The following TSPAN14 variants were observed in gnomAD, a reference collection of about 807,000 sequenced individuals.
The protein encoded by TSPAN14 is tetraspanin 14.
TSPAN14 carries 16 observed loss-of-function variants against 36.6 expected under a neutral mutation model. The observed-to-expected ratio is 0.44, with a 90% CI of 0.30 to 0.66. TSPAN14 has a LOEUF of 0.66. Among genes scored for constraint, TSPAN14 ranks in the 30% least tolerant of loss-of-function variants. TSPAN14 has a pLI of 0.12. For synonymous variants in TSPAN14, 139 were observed against 143.8 expected, an observed-to-expected ratio of 0.97 and a Z score of 0.24; for missense variants, 231 against 355.1, an observed-to-expected ratio of 0.65 and a Z score of 2.81.
chr10:80,495,897 C>T (rs1056958485), intron 2 of TSPAN14, among the ~76,000 whole-genome samples: 1 of 152,174 alleles, frequency 6.6e-6, no homozygotes, highest in Admixed American at 6.5e-5. Context: ...ACCCCAGAAA[C>T]TTTCCTTGTG....
At position 80,509,574 on chromosome 10, in the gene TSPAN14, C is replaced by G; in HGVS notation, c.450+103C>G. 7.7e-7 allele frequency: 1 copy of G among 1,297,380 alleles called. No homozygotes were observed. Among genetic ancestry groups the G allele is most frequent in the Non-Finnish European group, 1.1e-6 (1 of 940,634 alleles). The allele number at this position is 1,297,380 out of a possible 1,614,324, so 80.4% of individuals were successfully genotyped here. On this transcript the variant is annotated intron_variant, in intron 5 of 8. Transcript: ENST00000429989. This position sits in a 1 kb window ranked among gnomAD's most constrained non-coding sequence, Gnocchi z 4.7. ...CAGGCCTTCTCTGTGGGTTGTCTGC[C>G]TGCAGCTTGGCAGACAGCAGGGAGG...
intron 3 of TSPAN14, 113 bp from the exon 4 acceptor site, chr10:80,507,115 G>T: frequency 7.2e-7 from 1 of 1,393,230 alleles, no homozygotes; most frequent in Non-Finnish European, 9.9e-7. Flanking sequence ...TCAACAAGAG[G>T]GCTGAGCCTG....
intron 2 of TSPAN14, among the ~76,000 whole-genome samples, chr10:80,497,966 G>C (rs1377887168): frequency 1.3e-5 from 2 of 152,144 alleles, no homozygotes; most frequent in Non-Finnish European, 2.9e-5. Flanking sequence ...GTTTCCCTCT[G>C]TCATAAGGAA....
exon 9 of TSPAN14, chr10:80,520,583 C>T (rs1415727468): frequency 1.9e-6 from 1 of 531,194 alleles, no homozygotes; most frequent in Admixed American, 1.9e-5. Context: ...ACCCCCTCCT[C>T]AACCCTGGTC....
chr10:80,481,325 T>C (rs1847262483), intron 1 of TSPAN14, among the ~76,000 whole-genome samples: 1 of 152,044 alleles, frequency 6.6e-6, no homozygotes, highest in Admixed American at 6.6e-5. Context: ...AAATAAAACA[T>C]CAGATGTGAA....
At chr10:80,484,612 G>T (rs970956057) in intron 1 of TSPAN14, among the ~76,000 whole-genome samples, 3 of 152,132 alleles carry the variant, frequency 2.0e-5, no homozygotes, top group Admixed American at 1.3e-4. Flanking sequence ...GTTCATTTGT[G>T]TACAACGGGG....
intron 1 of TSPAN14, among the ~76,000 whole-genome samples, chr10:80,467,534 G>T (rs79702607): frequency 1.8e-3 from 276 of 152,256 alleles, no homozygotes; most frequent in African/African-American, 6.4e-3. Context: ...CATTTTAGCT[G>T]TAACCCTTGG....
At chr10:80,461,841 C>A (rs543472888) in intron 1 of TSPAN14, among the ~76,000 whole-genome samples, 4 of 151,836 alleles carry the variant, frequency 2.6e-5, no homozygotes, top group African/African-American at 9.7e-5. Context: ...ACTGAGCCAC[C>A]GAGAGGAGCA....
At chr10:80,479,709 T>C (rs1847140042) in intron 1 of TSPAN14, among the ~76,000 whole-genome samples, 1 of 152,014 alleles carries the variant, frequency 6.6e-6, no homozygotes, top group Non-Finnish European at 1.5e-5. Flanking sequence ...TGTAGTATAG[T>C]TTGAAGTCAG....
At chr10:80,521,603 A>G (rs1246388389) in exon 9 of TSPAN14, 1 of 152,114 alleles carries the variant, frequency 6.6e-6, no homozygotes, top group Non-Finnish European at 1.5e-5. Flanking sequence ...CCCTGTTCTC[A>G]TTCATTTGGA....
chr10:80,499,539 C>T (rs1444316524), intron 2 of TSPAN14, among the ~76,000 whole-genome samples: 4 of 151,960 alleles, frequency 2.6e-5, no homozygotes, highest in African/African-American at 4.8e-5. Context: ...TGTGAGTGCC[C>T]GTGTGTGGAA....
At chr10:80,489,455 A>G (rs1190323621) in intron 2 of TSPAN14, 141 bp downstream of exon 2, 20 of 674,936 alleles carry the variant, frequency 3.0e-5, no homozygotes, top group East Asian at 8.6e-5. Flanking sequence ...CCCTACCCTC[A>G]CAGAACCAGT....
intron 2 of TSPAN14, among the ~76,000 whole-genome samples, chr10:80,501,872 C>G (rs1848542241): frequency 6.6e-6 from 1 of 151,976 alleles, no homozygotes; most frequent in Admixed American, 6.5e-5. Flanking sequence ...CATGCCTGCT[C>G]TGTGCCTACT....
chr10:80,513,900 T>G, intron 6 of TSPAN14, 119 bp from the exon 7 acceptor site: 12 of 817,378 alleles, frequency 1.5e-5, no homozygotes, highest in South Asian at 3.1e-5. Context: ...TTGAAGGACA[T>G]GAGCTGTAAT....
At chr10:80,468,211 CT>C (rs1216355224) in intron 1 of TSPAN14, among the ~76,000 whole-genome samples, 1 of 152,222 alleles carries the variant, frequency 6.6e-6, no homozygotes, top group African/African-American at 2.4e-5. Flanking sequence ...CCAGGCCCCC[CT>C]GTGCCTGTTG....
chr10:80,504,676 C>A, intron 2 of TSPAN14, 52 bp from the exon 3 acceptor site: 1 of 1,608,888 alleles, frequency 6.2e-7, no homozygotes, highest in Non-Finnish European at 8.5e-7. Flanking sequence ...AGCATGTTCA[C>A]AGTGCTGGTT....
Position 80,516,850 on chromosome 10 carries a change from C to T in TSPAN14, c.741+527C>T, listed in dbSNP as rs527517286. The stretch of plus-strand genomic sequence containing the variant: ...ATGAGACATCCTCTGAGGCCTGCTG[C>T]CGTTTGTGGCATCCTTTCCTCTCCC... On this transcript the variant is annotated intron_variant, in intron 8 of 8. Coordinates refer to ENST00000429989, the Ensembl canonical transcript of TSPAN14. Among the ~76,000 whole-genome samples the T allele has an allele frequency of 5.9e-5, 9 of 152,322 alleles. No homozygotes were observed. The South Asian group carries it at 1.9e-3, about 32-fold the overall frequency.
At chr10:80,469,069 G>C (rs933315581) in intron 1 of TSPAN14, among the ~76,000 whole-genome samples, 10 of 152,060 alleles carry the variant, frequency 6.6e-5, no homozygotes, top group Non-Finnish European at 1.3e-4. Context: ...CCTCGGTGCC[G>C]GGGATGTCTT....
chr10:80,489,097 A>G lies in TSPAN14; in HGVS notation c.-17-120A>G, dbSNP rs552459237. ...GCCTTGGTATCAGGCCTCTGCTTGGACCAGTAAAGGGTCATGAGGGAAATG... is the reference window on the plus strand; with the variant it reads ...GCCTTGGTATCAGGCCTCTGCTTGGGCCAGTAAAGGGTCATGAGGGAAATG... On this transcript the variant is annotated intron_variant, in intron 1 of 8. Transcript: ENST00000429989. 9.5e-5 allele frequency: 63 copies of G among 662,870 alleles called. No homozygotes were observed. In the East Asian group the frequency reaches 1.8e-3, roughly 19 times the overall value. 41.1% of individuals were successfully genotyped at this position (662,870 alleles called of 1,614,324 possible).
Sources: allele counts gnomAD v4.1 joint callset (sites outside exome capture counted in the v4.1 genomes callset), GRCh38; gene constraint gnomAD v4.1.1; non-coding constraint Gnocchi (gnomAD v3.1); transcripts MANE v1.5; gene names NCBI Gene and HGNC (gene_info 2026-07-23, HGNC 2026-07-21).